Variants in KCNIP3 observed in about 807,000 individuals in gnomAD.
The protein encoded by KCNIP3 is calsenilin.
In KCNIP3, 28 loss-of-function variants were observed where a neutral mutation model predicts 35.0. The ratio of observed to expected loss-of-function variants is 0.80; its 90% CI spans 0.59 to 1.10. The LOEUF is 1.10. Ranked by LOEUF, KCNIP3 falls within the 50% of genes least tolerant of loss-of-function variation. The probability of loss-of-function intolerance (pLI) is 0.00; values close to 1 mark genes in which losing one functional copy is unlikely to be tolerated. For synonymous variants in KCNIP3, 134 were observed against 133.8 expected (o/e 1.00, Z -0.01); for missense variants, 295 against 338.4 (o/e 0.87, Z 1.01).
chr2:95,326,374 TCA>T (rs1415820470), intron 2 of KCNIP3, among the ~76,000 whole-genome samples: 40 of 151,610 alleles, frequency 2.6e-4, no homozygotes, highest in African/African-American at 9.7e-4. Context: ...CAGTACACAC[TCA>T]CACTCACATA....
At chr2:95,362,985 A>T (rs1175887184) in intron 2 of KCNIP3, among the ~76,000 whole-genome samples, 2 of 152,130 alleles carry the variant, frequency 1.3e-5, no homozygotes, top group Non-Finnish European at 2.9e-5. Flanking sequence ...TTGGGTTTGT[A>T]TCCATCTTTC....
In KCNIP3 at chr2:95,384,138, A is replaced by T; in HGVS notation, c.*89A>T. On this transcript the variant is annotated 3_prime_UTR_variant, in exon 9 of 9. Transcript: ENST00000295225. ...GGAGCAGCCTCCAAGAAACTTTTAA[A>T]AAATAGATTTGCAAAAAGTGAACAG... 8.5e-7 allele frequency: 1 copy of T among 1,169,810 alleles called. No individual in the cohort carries two copies. Among genetic ancestry groups the T allele is most frequent in the Non-Finnish European group, 1.3e-6 (1 of 777,452 alleles). The allele number at this position is 1,169,810 out of a possible 1,614,324, so 72.5% of individuals were successfully genotyped here. A position where few individuals can be genotyped will look rare whatever the true frequency, so the allele number is the denominator to read the frequency against.
In KCNIP3 at chr2:95,376,114, G is replaced by T. The variant is rs1293807211; in HGVS notation, c.447+906G>T. On this transcript the variant is annotated intron_variant, in intron 5 of 8. Coordinates refer to ENST00000295225, the MANE Select transcript of KCNIP3 (RefSeq NM_013434.5). The surrounding 1 kb of genome is among the most constrained non-coding windows in gnomAD (Gnocchi z 4.2). The stretch of plus-strand genomic sequence containing the variant: ...CTCGACTCTGAGCCACACTCTGAGG[G>T]CTCTGCACATAGAAGCAGACCGTGT... 6.6e-6 allele frequency among the ~76,000 whole-genome samples: 1 copy of T among 152,206 alleles called. No individual in the cohort carries two copies. The highest frequency in any genetic ancestry group is 1.5e-5 in the Non-Finnish European group (1 of 68,050).
chr2:95,361,016 G>T (rs1679786103), intron 2 of KCNIP3, among the ~76,000 whole-genome samples: 1 of 151,442 alleles, frequency 6.6e-6, no homozygotes, highest in Non-Finnish European at 1.5e-5. Flanking sequence ...GAGCCACGCT[G>T]GGGGAGAGGT....
chr2:95,313,281 A>T (rs1678369438), intron 2 of KCNIP3: 1 of 152,214 alleles, frequency 6.6e-6, no homozygotes, highest in Non-Finnish European at 1.5e-5. Flanking sequence ...GTCGGCAAGG[A>T]GTGGACAGGA....
At chr2:95,337,866 G>A (rs1355434282) in intron 2 of KCNIP3, among the ~76,000 whole-genome samples, 1 of 152,222 alleles carries the variant, frequency 6.6e-6, no homozygotes, top group East Asian at 1.9e-4. Flanking sequence ...GATAAGCAGG[G>A]TCAGAATAGA....
chr2:95,381,739 T>G, intron 6 of KCNIP3, 36 bp downstream of exon 6: 1 of 1,381,562 alleles, frequency 7.2e-7, no homozygotes, highest in Non-Finnish European at 1.0e-6. Context: ...TGTCCCCTCC[T>G]CCCCTCCTGC....
At chr2:95,323,414 G>A (rs114520630) in intron 2 of KCNIP3, among the ~76,000 whole-genome samples, 9 of 152,290 alleles carry the variant, frequency 5.9e-5, no homozygotes, top group Non-Finnish European at 7.4e-5. Context: ...GCAGAACTGC[G>A]GTGGCAGAGA....
intron 2 of KCNIP3, among the ~76,000 whole-genome samples, chr2:95,331,890 C>T (rs1163363857): frequency 6.6e-6 from 1 of 152,182 alleles, no homozygotes; most frequent in Non-Finnish European, 1.5e-5. Context: ...CAGGCCTGGG[C>T]AACTTCTTGT....
At chr2:95,328,872 C>G (rs555618076) in intron 2 of KCNIP3, among the ~76,000 whole-genome samples, 1 of 152,232 alleles carries the variant, frequency 6.6e-6, no homozygotes, top group African/African-American at 2.4e-5. Context: ...CTGGCCTTTG[C>G]TGGGCCTTAG....
Position 95,381,721 on chromosome 2 carries a change from G to GCCCC in KCNIP3, c.555+19_555+20insCCCC. 6.5e-7 allele frequency: 1 copy of GCCCC among 1,532,588 alleles called. No homozygotes were observed. Among genetic ancestry groups the GCCCC allele is most frequent in the Non-Finnish European group, 9.0e-7 (1 of 1,106,744 alleles). 94.9% of individuals were successfully genotyped at this position (1,532,588 alleles called of 1,614,324 possible). A position where few individuals can be genotyped will look rare whatever the true frequency, so the allele number is the denominator to read the frequency against. On this transcript the variant is annotated intron_variant, in intron 6 of 8. Transcript: ENST00000295225. ...CCAAAGAGGTAGTAGGGGGCTGGGGGCAGGGATTGTCCCCTCCTCCCCTCC... is the reference window on the plus strand; with the variant it reads ...CCAAAGAGGTAGTAGGGGGCTGGGGGCCCCCAGGGATTGTCCCCTCCTCCCCTCC...
At chr2:95,372,354 T>C (rs2104297475) in intron 2 of KCNIP3, among the ~76,000 whole-genome samples, 1 of 152,312 alleles carries the variant, frequency 6.6e-6, no homozygotes, top group East Asian at 1.9e-4. Flanking sequence ...CTGCCAAAAA[T>C]GCTGTTGCTG....
At chr2:95,328,067 G>A (rs1678837118) in intron 2 of KCNIP3, among the ~76,000 whole-genome samples, 1 of 152,248 alleles carries the variant, frequency 6.6e-6, no homozygotes, top group Non-Finnish European at 1.5e-5. Flanking sequence ...GGGGAAGAGA[G>A]CAGGGGCAAG....
chr2:95,354,706 T>C (rs1235122766), intron 2 of KCNIP3, among the ~76,000 whole-genome samples: 1 of 152,224 alleles, frequency 6.6e-6, no homozygotes, highest in Non-Finnish European at 1.5e-5. Flanking sequence ...AAAGGTGACC[T>C]TGGGGCCTGT....
intron 2 of KCNIP3, among the ~76,000 whole-genome samples, chr2:95,326,456 G>C (rs191035893): frequency 6.6e-6 from 1 of 152,210 alleles, no homozygotes; most frequent in African/African-American, 2.4e-5. Context: ...GCCAGGCTCT[G>C]GGAGGGCAGC....
At chr2:95,336,473 T>G (rs1192024713) in intron 2 of KCNIP3, among the ~76,000 whole-genome samples, 1 of 152,256 alleles carries the variant, frequency 6.6e-6, no homozygotes, top group Non-Finnish European at 1.5e-5. Context: ...AAAACATATT[T>G]ATCATAGTTA....
chr2:95,358,504 C>G (rs1387071378), intron 2 of KCNIP3, among the ~76,000 whole-genome samples: 1 of 152,214 alleles, frequency 6.6e-6, no homozygotes, highest in African/African-American at 2.4e-5. Context: ...TAGAGGAATT[C>G]AAACTTGATT....
intron 2 of KCNIP3, among the ~76,000 whole-genome samples, chr2:95,359,270 A>G (rs758998036): frequency 6.6e-6 from 1 of 152,226 alleles, no homozygotes; most frequent in Non-Finnish European, 1.5e-5. Context: ...TCCAGCTGTG[A>G]GCCTGTGAAA....
intron 2 of KCNIP3, among the ~76,000 whole-genome samples, chr2:95,364,350 TA>T (rs1679868379): frequency 6.6e-6 from 1 of 152,162 alleles, no homozygotes; most frequent in South Asian, 2.1e-4. Flanking sequence ...ATGATGTACT[TA>T]AAAAAATGCC....
Sources: gnomAD v4.1 joint callset for allele counts (sites outside exome capture counted in the v4.1 genomes callset) on GRCh38, gnomAD v4.1.1 for gene constraint, Gnocchi (gnomAD v3.1) non-coding constraint, MANE v1.5 for transcripts, NCBI Gene and HGNC (gene_info 2026-07-23, HGNC 2026-07-21) for gene names.